Variants in CSF1R observed in about 807,000 individuals in gnomAD.
The protein encoded by CSF1R is colony stimulating factor 1 receptor.
In CSF1R, 40 loss-of-function variants were observed where a neutral mutation model predicts 110.0. That is an observed-to-expected ratio of 0.36 (90% confidence interval 0.28 to 0.47). CSF1R has a LOEUF of 0.47. Ranked by LOEUF, CSF1R falls within the 20% of genes least tolerant of loss-of-function variation. CSF1R has a pLI of 0.99. For missense variants in CSF1R, 1,052 were observed against 1,253.0 expected (o/e 0.84, Z 2.42); for synonymous variants, 523 against 503.4 (o/e 1.04, Z -0.52).
intron 3 of CSF1R, 149 bp downstream of exon 3, chr5:150,079,903 G>T: frequency 1.0e-6 from 1 of 993,516 alleles, no homozygotes; most frequent in Non-Finnish European, 1.5e-6. Flanking sequence ...CCCCATAGAT[G>T]ATCGTGGAAC....
chr5:150,076,359 TATCTATCTATCTATCTA>T (rs1758265167), intron 5 of CSF1R, among the ~76,000 whole-genome samples: 1 of 148,830 alleles, frequency 6.7e-6, no homozygotes, highest in Non-Finnish European at 1.5e-5. Context: ...TCTATCTATC[TATCTATCTATCTATCTA>T]ATCTATCTAT....
At chr5:150,054,757 CAGG>C (rs1418902229) in intron 19 of CSF1R, 4 of 290,966 alleles carry the variant, frequency 1.4e-5, no homozygotes, top group Non-Finnish European at 2.5e-5. Context: ...GAGGTTGATG[CAGG>C]AGGATTGCAT....
At chr5:150,111,272 G>A (rs1759709436) in intron 1 of CSF1R, among the ~76,000 whole-genome samples, 1 of 152,062 alleles carries the variant, frequency 6.6e-6, no homozygotes, top group Non-Finnish European at 1.5e-5. Flanking sequence ...CAAGAACCCC[G>A]GCCGTGAGTG....
intron 10 of CSF1R, among the ~76,000 whole-genome samples, chr5:150,062,060 C>T (rs994813569): frequency 6.6e-6 from 1 of 152,150 alleles, no homozygotes; most frequent in African/African-American, 2.4e-5. Flanking sequence ...GTGTGACCTT[C>T]CCTTCTCCAA....
Position 150,054,333 on chromosome 5 carries a change from T to C in CSF1R, c.2752A>G (p.Arg918Gly). 1 of 1,614,158 alleles carries C rather than the reference T, an allele frequency of 6.2e-7. No homozygotes were observed. Among genetic ancestry groups the C allele is most frequent in the Non-Finnish European group, 8.5e-7 (1 of 1,180,022 alleles). ...SFLQEQAQED[R>G]RERDYTNLPS... Reference sequence around the variant, plus strand: ...CTCACCCCACTCACCCGCTCTCTCCTGTCCTCTTGGGCCTGCTCCTGAAGG... The same window carrying C: ...CTCACCCCACTCACCCGCTCTCTCCCGTCCTCTTGGGCCTGCTCCTGAAGG... The change falls in exon 20 of 21, where the codon AGG becomes GGG. Residue 918 changes from arginine to glycine, a missense_variant. Physicochemically the swap from Arg to Gly is moderately radical, Grantham distance 125. Coordinates refer to ENST00000675795, the MANE Select transcript of CSF1R (RefSeq NM_001288705.3).
At chr5:150,073,243 G>A in intron 6 of CSF1R, 58 bp downstream of exon 6, 1 of 1,536,716 alleles carries the variant, frequency 6.5e-7, no homozygotes, top group South Asian at 1.2e-5. Context: ...CCTGATGCTT[G>A]CTGAAGCATA....
At chr5:150,076,336 ATCTATC>A (rs1758259118) in intron 5 of CSF1R, among the ~76,000 whole-genome samples, 1 of 131,894 alleles carries the variant, frequency 7.6e-6, no homozygotes, top group African/African-American at 3.5e-5. Flanking sequence ...CTATCTATCT[ATCTATC>A]TATCTATCTA....
chr5:150,074,132 G>C (rs1273368567), intron 5 of CSF1R, among the ~76,000 whole-genome samples: 1 of 152,256 alleles, frequency 6.6e-6, no homozygotes, highest in South Asian at 2.1e-4. Flanking sequence ...AGCCTTCCTG[G>C]CAGGGCTGAG....
At chr5:150,074,419 G>A (rs1056224898) in intron 5 of CSF1R, among the ~76,000 whole-genome samples, 73 of 149,206 alleles carry the variant, frequency 4.9e-4, no homozygotes, top group Admixed American at 6.1e-4. Context: ...GCGATTCTCC[G>A]GCCTCAGCCT....
chr5:150,086,532 C>A lies in CSF1R; in HGVS notation c.-105G>T. On this transcript the variant is annotated 5_prime_UTR_variant, in exon 1 of 21. Transcript: ENST00000675795. ...GGGATCGGGACACTGGACACACGTTCCTCTCCTCTGCACTGGCTGTTTGTC... is the reference window on the plus strand; with the variant it reads ...GGGATCGGGACACTGGACACACGTTACTCTCCTCTGCACTGGCTGTTTGTC... 1 of 1,071,766 alleles carries A rather than the reference C, an allele frequency of 9.3e-7. No homozygotes were observed. Among genetic ancestry groups the A allele is most frequent in the South Asian group, 1.4e-5 (1 of 72,494 alleles). The allele number at this position is 1,071,766 out of a possible 1,614,324, so 66.4% of individuals were successfully genotyped here.
rs1335136725 is a variant in CSF1R, at chr5:150,057,286, C to A, written c.2319+1G>T. 1 of 1,612,614 alleles carries A rather than the reference C, an allele frequency of 6.2e-7. No individual in the cohort carries two copies. Among genetic ancestry groups the A allele is most frequent in the African/African-American group, 1.3e-5 (1 of 74,906 alleles). On this transcript the variant is annotated splice_donor_variant, in intron 16 of 20. Transcript: ENST00000675795. LOFTEE classifies it high-confidence loss of function. ...TGAGCCAGGGCCAGGTTCCTACTCA[C>A]ATTCTTGGAAGCGAGGAAGGCCATG...
At position 150,053,660 on chromosome 5, in the gene CSF1R, C is replaced by T; in HGVS notation, c.*409G>A. ...GCTCCTCTCAGAGAGGGAGATCTCA[C>T]TCTCTGCCAGTCTGTCTAGCCCCAA... On this transcript the variant is annotated 3_prime_UTR_variant, in exon 21 of 21. Coordinates refer to ENST00000675795, the MANE Select transcript of CSF1R (RefSeq NM_001288705.3). 1 of 294,180 alleles carries T rather than the reference C, an allele frequency of 3.4e-6. No individual in the cohort carries two copies. Among genetic ancestry groups the T allele is most frequent in the South Asian group, 6.7e-5 (1 of 15,014 alleles). The allele number at this position is 294,180 out of a possible 1,614,324, so 18.2% of individuals were successfully genotyped here.
rs765654778 is a variant in CSF1R, at chr5:150,060,802, G to A, written c.1969+60C>T. ...GAGAAGACGGAACAAGGTAGCCCTGGGGCCCTGAGATTCCCCAGAGGCCCC... is the reference window on the plus strand; with the variant it reads ...GAGAAGACGGAACAAGGTAGCCCTGAGGCCCTGAGATTCCCCAGAGGCCCC... On this transcript the variant is annotated intron_variant, in intron 13 of 20. Coordinates refer to ENST00000675795, the MANE Select transcript of CSF1R (RefSeq NM_001288705.3). 1.1e-4 allele frequency: 124 copies of A among 1,111,168 alleles called. 1 individual carries two copies. The highest frequency in any genetic ancestry group is 1.6e-4 in the Non-Finnish European group (119 of 750,826). 68.8% of individuals were successfully genotyped at this position (1,111,168 alleles called of 1,614,324 possible). A position where few individuals can be genotyped will look rare whatever the true frequency, so the allele number is the denominator to read the frequency against.
chr5:150,073,440 C>T lies in CSF1R; in HGVS notation c.943G>A (p.Val315Met), dbSNP rs756763314. ...ACTTTGAGGTTGAGCCCCTCCCCCACGGTCACCTCCTGGATGAGGTTCTGC... is the reference window on the plus strand; with the variant it reads ...ACTTTGAGGTTGAGCCCCTCCCCCATGGTCACCTCCTGGATGAGGTTCTGC... ...SEQNLIQEVT[V>M]GEGLNLKVMV... The change falls in exon 6 of 21, where the codon GTG (valine) becomes ATG (methionine). Residue 315 changes from valine to methionine, a missense_variant. By Grantham distance (21) the Val-to-Met change is conservative. Around this residue, in one of 5 missense-constraint regions of CSF1R, gnomAD observed 693 missense variants for 735.4 expected, o/e 0.94. Coordinates refer to ENST00000675795, the MANE Select transcript of CSF1R (RefSeq NM_001288705.3). 43 of 1,614,028 alleles carry T rather than the reference C, an allele frequency of 2.7e-5. No homozygotes were observed. The highest frequency in any genetic ancestry group is 8.9e-5 in the East Asian group (4 of 44,896).
chr5:150,080,345 G>A lies in CSF1R; in HGVS notation c.308-9C>T. 1.9e-6 allele frequency: 3 copies of A among 1,610,510 alleles called. No homozygotes were observed. In the South Asian group the frequency reaches 3.3e-5, roughly 18 times the overall value. On this transcript the variant is annotated splice_polypyrimidine_tract_variant and intron_variant, in intron 2 of 20. Coordinates refer to ENST00000675795, the MANE Select transcript of CSF1R (RefSeq NM_001288705.3). ...CCAGGGCCGGGCAGGGTCTAGAGTA[G>A]AGGAGGGCACAGGGTTACAACTGCC...
chr5:150,056,246 A>ATTCAT lies in CSF1R; in HGVS notation c.2410_2414dup (p.Asn805LysfsTer2). ...TGCCCTTGACAATGTAGTTGGAGTC[A>ATTCAT]TTCATGATGTCCCTAGCCAGCCCGA... On this transcript the variant is annotated stop_gained and frameshift_variant, in exon 17 of 21. Transcript: ENST00000675795. LOFTEE classifies it high-confidence loss of function. 1 of 1,614,166 alleles carries ATTCAT rather than the reference A, an allele frequency of 6.2e-7. No homozygotes were observed. Among genetic ancestry groups the ATTCAT allele is most frequent in the Non-Finnish European group, 8.5e-7 (1 of 1,180,018 alleles).
In CSF1R at chr5:150,102,582, C is replaced by T. The variant is rs1057135413; in HGVS notation, c.-181+10679G>A. Among the ~76,000 whole-genome samples the T allele has an allele frequency of 3.3e-5, 5 of 152,230 alleles. No homozygotes were observed. The East Asian group carries it at 5.8e-4, about 18-fold the overall frequency. ...GCAACCTCTGACTCCCAGGTTCAAGCGATTCTCCTGCCTCAGCCTCCCGAG... is the reference window on the plus strand; with the variant it reads ...GCAACCTCTGACTCCCAGGTTCAAGTGATTCTCCTGCCTCAGCCTCCCGAG... On this transcript the variant is annotated intron_variant, in intron 1 of 21. Transcript: ENST00000286301.
intron 4 of CSF1R, 47 bp downstream of exon 4, chr5:150,078,065 T>A: frequency 6.2e-7 from 1 of 1,609,972 alleles, no homozygotes; most frequent in Non-Finnish European, 8.5e-7. Flanking sequence ...AAACCTGGTG[T>A]GCTGGGAGGA....
At chr5:150,079,917 T>A (rs747499143) in intron 3 of CSF1R, 135 bp downstream of exon 3, 1 of 1,092,626 alleles carries the variant, frequency 9.2e-7, no homozygotes, top group African/African-American at 1.6e-5. Context: ...GTGGAACCAT[T>A]GAGGGGAAGA....
Sources: allele counts gnomAD v4.1 joint callset (sites outside exome capture counted in the v4.1 genomes callset), GRCh38; gene constraint gnomAD v4.1.1; regional missense constraint gnomAD v4.1.1; transcripts MANE v1.5; gene names NCBI Gene and HGNC (gene_info 2026-07-23, HGNC 2026-07-21).